MEIS2: variants seen among roughly 807,000 people sequenced by gnomAD.
MEIS2 encodes homeobox protein Meis2.
A neutral mutation model predicts 58.6 loss-of-function variants in MEIS2; 9 were observed. The ratio of observed to expected loss-of-function variants is 0.15; its 90% CI spans 0.09 to 0.27. MEIS2 has a LOEUF of 0.27. Among genes scored for constraint, MEIS2 ranks in the 10% least tolerant of loss-of-function variants. The probability of loss-of-function intolerance (pLI) is 1.00; values close to 1 mark genes in which losing one functional copy is unlikely to be tolerated. For missense variants in MEIS2, 427 were observed against 635.0 expected, an observed-to-expected ratio of 0.67 and a Z score of 3.52; for synonymous variants, 221 against 228.4, an observed-to-expected ratio of 0.97 and a Z score of 0.29.
intron 9 of MEIS2, among the ~76,000 whole-genome samples, chr15:36,900,469 A>AC (rs1169149846): frequency 1.3e-5 from 2 of 152,232 alleles, no homozygotes; most frequent in African/African-American, 4.8e-5. Flanking sequence ...TTAAGTAGAA[A>AC]ATGCATGAGT....
intron 3 of MEIS2, chr15:37,096,033 C>A: frequency 2.1e-6 from 1 of 476,584 alleles, no homozygotes; most frequent in Non-Finnish European, 3.7e-6. Flanking sequence ...AGGCCAAGCC[C>A]CAGATTAGGA....
intron 8 of MEIS2, among the ~76,000 whole-genome samples, chr15:36,978,551 A>G (rs772991093): frequency 6.6e-5 from 10 of 152,216 alleles, no homozygotes; most frequent in Non-Finnish European, 1.5e-4. Flanking sequence ...CCAAATAATG[A>G]AGGTTTACTG....
chr15:36,954,795 G>A (rs1006372690), intron 8 of MEIS2, among the ~76,000 whole-genome samples: 3 of 152,188 alleles, frequency 2.0e-5, no homozygotes, highest in South Asian at 2.1e-4. Context: ...GTTGGGTAGA[G>A]TCTTAGTTTG....
intron 8 of MEIS2, among the ~76,000 whole-genome samples, chr15:36,983,823 T>G (rs951787719): frequency 2.6e-5 from 4 of 152,106 alleles, no homozygotes; most frequent in African/African-American, 9.7e-5. Flanking sequence ...ACTTCTTTCA[T>G]CCATGTTCTA....
chr15:36,930,767 T>G (rs1239645876), intron 9 of MEIS2, among the ~76,000 whole-genome samples: 12 of 152,220 alleles, frequency 7.9e-5, no homozygotes, highest in Non-Finnish European at 1.5e-4. Context: ...TCATGTATGC[T>G]CATCATATAT....
intron 9 of MEIS2, among the ~76,000 whole-genome samples, chr15:36,936,288 G>A (rs1033300083): frequency 9.5e-5 from 1 of 10,476 alleles, no homozygotes; most frequent in Non-Finnish European, 2.0e-4. Flanking sequence ...TCCGCCTCCC[G>A]GGGTTCACGC....
At chr15:37,026,763 G>C (rs543468046) in intron 8 of MEIS2, among the ~76,000 whole-genome samples, 19 of 152,206 alleles carry the variant, frequency 1.2e-4, no homozygotes, top group African/African-American at 4.3e-4. Flanking sequence ...CTCTTGAGTT[G>C]TAATTTTTGT....
At chr15:36,910,410 T>C (rs931697021) in intron 9 of MEIS2, among the ~76,000 whole-genome samples, 1 of 152,122 alleles carries the variant, frequency 6.6e-6, no homozygotes, top group Non-Finnish European at 1.5e-5. Flanking sequence ...TCACAGCCTT[T>C]AATAGAGTGA....
At chr15:36,893,014 A>C (rs1262311363) in intron 11 of MEIS2, among the ~76,000 whole-genome samples, 2 of 152,210 alleles carry the variant, frequency 1.3e-5, no homozygotes, top group Non-Finnish European at 1.5e-5. Flanking sequence ...ATAGCAGTAC[A>C]CCCAAGAGAT....
intron 9 of MEIS2, chr15:36,897,185 G>C (rs2056223989): frequency 6.4e-6 from 1 of 156,340 alleles, no homozygotes; most frequent in South Asian, 1.9e-4. Flanking sequence ...ATAAGTGCTG[G>C]CCAGAAAGAC....
chr15:37,096,144 G>T, intron 3 of MEIS2, 145 bp downstream of exon 3: 1 of 846,820 alleles, frequency 1.2e-6, no homozygotes, highest in Non-Finnish European at 1.8e-6. Context: ...CCAGGCTCAG[G>T]GATGGGGAGG....
intron 6 of MEIS2, among the ~76,000 whole-genome samples, chr15:37,088,331 T>C (rs1212333628): frequency 3.3e-5 from 5 of 152,170 alleles, no homozygotes; most frequent in South Asian, 2.1e-4. Flanking sequence ...AAATGAAGCA[T>C]GTACAACTAA....
At chr15:36,946,201 ATAAATG>A (rs764368653) in intron 9 of MEIS2, among the ~76,000 whole-genome samples, 2 of 152,036 alleles carry the variant, frequency 1.3e-5, no homozygotes, top group Admixed American at 6.6e-5. Context: ...AAAGATGTGT[ATAAATG>A]CAACTCACCA....
chr15:36,889,876 A>G lies in MEIS2; in HGVS notation c.*2297T>C, dbSNP rs2055790608. 6.6e-6 allele frequency: 1 copy of G among 152,232 alleles called. No individual in the cohort carries two copies. Among genetic ancestry groups the G allele is most frequent in the African/African-American group, 2.4e-5 (1 of 41,468 alleles). The allele number at this position is 152,232 out of a possible 1,614,324, so 9.4% of individuals were successfully genotyped here. ...AGAGGGAAGCTATCTCTCTTTCCCAAGTGGCACTGAATTTCTCTATTAAGT... is the reference window on the plus strand; with the variant it reads ...AGAGGGAAGCTATCTCTCTTTCCCAGGTGGCACTGAATTTCTCTATTAAGT... On this transcript the variant is annotated 3_prime_UTR_variant, in exon 12 of 12. Coordinates refer to ENST00000561208, the MANE Select transcript of MEIS2 (RefSeq NM_170675.5).
At chr15:36,903,523 C>T (rs1396415637) in intron 9 of MEIS2, among the ~76,000 whole-genome samples, 1 of 152,206 alleles carries the variant, frequency 6.6e-6, no homozygotes, top group Non-Finnish European at 1.5e-5. Flanking sequence ...ACCTACACAC[C>T]TTACAGTGCT....
intron 8 of MEIS2, among the ~76,000 whole-genome samples, chr15:36,998,147 C>A (rs1452708103): frequency 6.6e-6 from 1 of 151,868 alleles, no homozygotes; most frequent in Admixed American, 6.6e-5. Flanking sequence ...AAAGGTGGAT[C>A]CCATAAATGG....
At position 36,891,644 on chromosome 15, in the gene MEIS2, T is replaced by C. The variant is rs1378855597; in HGVS notation, c.*529A>G. 6.4e-6 allele frequency: 1 copy of C among 155,454 alleles called. No homozygotes were observed. Among genetic ancestry groups the C allele is most frequent in the African/African-American group, 2.4e-5 (1 of 41,452 alleles). The allele number at this position is 155,454 out of a possible 1,614,324, so 9.6% of individuals were successfully genotyped here. A position where few individuals can be genotyped will look rare whatever the true frequency, so the allele number is the denominator to read the frequency against. Reference sequence around the variant, plus strand: ...ACAAAGGCCGGGCATGAAAACACATTCTTGAAGCTGGAGTTCGAGTGATGA... The same window carrying C: ...ACAAAGGCCGGGCATGAAAACACATCCTTGAAGCTGGAGTTCGAGTGATGA... On this transcript the variant is annotated 3_prime_UTR_variant, in exon 12 of 12. Coordinates refer to ENST00000561208, the MANE Select transcript of MEIS2 (RefSeq NM_170675.5).
Position 37,098,106 on chromosome 15 carries a change from C to G in MEIS2, c.106G>C (p.Val36Leu). 2 of 1,613,622 alleles carry G rather than the reference C, an allele frequency of 1.2e-6. No individual in the cohort carries two copies. Among genetic ancestry groups the G allele is most frequent in the East Asian group, 4.5e-5 (2 of 44,854 alleles). ...DPHAPRPIPP[V>L]HHLNHGPPLH... ...GGCGGCCCGTGGTTCAGGTGGTGAA[C>G]CGGGGGGATCGGCCGCGGCGCGTGA... The change falls in exon 2 of 12, where the codon GTT (valine) becomes CTT (leucine). Residue 36 changes from valine (V) to leucine (L), a missense_variant. This residue lies in a region of MEIS2 where 103 missense variants were observed against 111.8 expected (regional missense o/e 0.92). Transcript: ENST00000561208.
chr15:36,909,377 TA>T (rs1196277073), intron 9 of MEIS2, among the ~76,000 whole-genome samples: 1 of 152,138 alleles, frequency 6.6e-6, no homozygotes, highest in Non-Finnish European at 1.5e-5. Context: ...ACACCCTCAA[TA>T]AAATGTTTGT....
Sources: allele counts gnomAD v4.1 joint callset (sites outside exome capture counted in the v4.1 genomes callset), GRCh38; gene constraint gnomAD v4.1.1; regional missense constraint gnomAD v4.1.1; transcripts MANE v1.5; gene names NCBI Gene and HGNC (gene_info 2026-07-23, HGNC 2026-07-21).